Variants in KCNMA1 observed in about 807,000 individuals in gnomAD.
KCNMA1 encodes Calcium-activated potassium channel subunit alpha-1.
A neutral mutation model predicts 140.0 loss-of-function variants in KCNMA1; 29 were observed. The observed-to-expected ratio is 0.21, with a 90% CI of 0.15 to 0.28. The LOEUF (loss-of-function observed/expected upper bound fraction) is 0.28. Among genes scored for constraint, KCNMA1 ranks in the 10% least tolerant of loss-of-function variants. KCNMA1 has a pLI of 1.00. For synonymous variants in KCNMA1, 612 were observed against 611.9 expected (o/e 1.00, Z 0.00); for missense variants, 880 against 1,602.2 (o/e 0.55, Z 7.70).
intron 5 of KCNMA1, among the ~76,000 whole-genome samples, chr10:77,154,320 A>C (rs6480852): frequency 3.9e-5 from 6 of 152,080 alleles, no homozygotes; most frequent in African/African-American, 1.4e-4. Flanking sequence ...ATAGTAGTGT[A>C]AGAATGGACT....
At chr10:77,579,012 A>G (rs538680307) in intron 1 of KCNMA1, among the ~76,000 whole-genome samples, 3 of 152,292 alleles carry the variant, frequency 2.0e-5, no homozygotes, top group Admixed American at 6.5e-5. Context: ...AACCTCCCGG[A>G]GTCGTTGGGC....
intron 9 of KCNMA1, among the ~76,000 whole-genome samples, chr10:77,107,313 G>A (rs2097216557): frequency 6.6e-6 from 1 of 152,248 alleles, no homozygotes; most frequent in Non-Finnish European, 1.5e-5. Flanking sequence ...AGGCATGAGT[G>A]ATGAAAGTTT....
At chr10:76,883,180 C>A (rs1325275128), downstream of KCNMA1, among the ~76,000 whole-genome samples, 1 of 152,130 alleles carries the variant, frequency 6.6e-6, no homozygotes, top group Non-Finnish European at 1.5e-5. Context: ...ATGTGACCAG[C>A]TTGAGAAAGT....
intron 11 of KCNMA1, among the ~76,000 whole-genome samples, chr10:77,085,962 A>G (rs2096681223): frequency 6.6e-6 from 1 of 152,214 alleles, no homozygotes; most frequent in Non-Finnish European, 1.5e-5. Flanking sequence ...TTCGCCCATT[A>G]TCAATGATAT....
Position 77,517,260 on chromosome 10 carries a change from C to T in KCNMA1, c.379-113237G>A, listed in dbSNP as rs553704646. The stretch of plus-strand genomic sequence containing the variant: ...AAAGCAGTGTCACCGGAACCCAGGC[C>T]TCCACCATAAATGGGCCAGAGGCAA... On this transcript the variant is annotated intron_variant, in intron 1 of 27. Coordinates refer to ENST00000286628, the MANE Select transcript of KCNMA1 (RefSeq NM_001161352.2). 4.6e-5 allele frequency among the ~76,000 whole-genome samples: 7 copies of T among 152,226 alleles called. No individual in the cohort carries two copies. In the South Asian group the frequency reaches 1.5e-3, roughly 32 times the overall value.
intron 2 of KCNMA1, among the ~76,000 whole-genome samples, chr10:77,325,180 GAAC>G (rs2083711020): frequency 6.6e-6 from 1 of 152,108 alleles, no homozygotes; most frequent in Non-Finnish European, 1.5e-5. Flanking sequence ...CATTGTTACA[GAAC>G]AATAAACAGA....
In KCNMA1 at chr10:77,293,723, G is replaced by A. The variant is rs1601541609; in HGVS notation, c.541-42467C>T. ...CCAGCTCTTTCTCTGCTACATCAGA[G>A]AGCCCCTTTCTCATGTCCTCAAAGT... On this transcript the variant is annotated intron_variant, in intron 2 of 27. Coordinates refer to ENST00000286628, the MANE Select transcript of KCNMA1 (RefSeq NM_001161352.2). 2.0e-5 allele frequency among the ~76,000 whole-genome samples: 3 copies of A among 152,202 alleles called. No homozygotes were observed. In the South Asian group the frequency reaches 6.2e-4, roughly 32 times the overall value.
intron 2 of KCNMA1, among the ~76,000 whole-genome samples, chr10:77,354,045 G>T (rs1349436078): frequency 1.3e-5 from 2 of 151,784 alleles, no homozygotes; most frequent in South Asian, 4.2e-4. Flanking sequence ...TTCAGTGAGT[G>T]GTGCAATCTC....
intron 23 of KCNMA1, among the ~76,000 whole-genome samples, chr10:76,932,563 T>C (rs371465965): frequency 6.6e-6 from 1 of 152,348 alleles, no homozygotes; most frequent in East Asian, 1.9e-4. Flanking sequence ...GCAGCCATTA[T>C]GTCTTTGTAT....
At chr10:77,537,523 T>C (rs1254133169) in intron 1 of KCNMA1, among the ~76,000 whole-genome samples, 2 of 152,174 alleles carry the variant, frequency 1.3e-5, no homozygotes, top group South Asian at 2.1e-4. Flanking sequence ...ATCTTCCCTA[T>C]GGAAATTCCC....
chr10:76,954,013 G>T, intron 20 of KCNMA1, 89 bp from the exon 21 acceptor site: 1 of 1,389,988 alleles, frequency 7.2e-7, no homozygotes, highest in Non-Finnish European at 1.0e-6. Flanking sequence ...CAGAGGATGT[G>T]AAAGATGCAG....
chr10:76,968,709 AC>A (rs1308701409), intron 20 of KCNMA1, among the ~76,000 whole-genome samples: 3 of 152,214 alleles, frequency 2.0e-5, no homozygotes, highest in African/African-American at 4.8e-5. Flanking sequence ...AATCAGCCAA[AC>A]CCAAGGAAGG....
chr10:77,461,986 C>A (rs1445862989), intron 1 of KCNMA1, among the ~76,000 whole-genome samples: 1 of 152,076 alleles, frequency 6.6e-6, no homozygotes, highest in Admixed American at 6.6e-5. Flanking sequence ...GTACCATGCT[C>A]ACAGACACAC....
At chr10:77,117,319 T>G (rs1426852965) in intron 6 of KCNMA1, among the ~76,000 whole-genome samples, 2 of 151,744 alleles carry the variant, frequency 1.3e-5, no homozygotes, top group African/African-American at 2.4e-5. Context: ...GAGGCCAAAG[T>G]GGGCAGATCA....
rs200686491 is a variant in KCNMA1 at position 76,885,916 on chromosome 10, C to T, written c.*1350G>A. Reference sequence around the variant, plus strand: ...TCACTGTTGCACTCTTCTTATCCCACGTCTCATAATGACAAGGAGCAGCTC... The same window carrying T: ...TCACTGTTGCACTCTTCTTATCCCATGTCTCATAATGACAAGGAGCAGCTC... On this transcript the variant is annotated 3_prime_UTR_variant, in exon 28 of 28. Coordinates refer to ENST00000286628, the MANE Select transcript of KCNMA1 (RefSeq NM_001161352.2). 1.7e-5 allele frequency: 17 copies of T among 985,418 alleles called. No homozygotes were observed. The Admixed American group carries it at 3.1e-4, about 18-fold the overall frequency. The allele number at this position is 985,418 out of a possible 1,614,324, so 61.0% of individuals were successfully genotyped here.
At chr10:77,532,361 G>A (rs1238936389) in intron 1 of KCNMA1, among the ~76,000 whole-genome samples, 1 of 152,216 alleles carries the variant, frequency 6.6e-6, no homozygotes, top group Non-Finnish European at 1.5e-5. Flanking sequence ...CAGTACAGTG[G>A]GCTCTCTGGA....
At chr10:77,030,101 CCA>C (rs2093815377) in intron 15 of KCNMA1, among the ~76,000 whole-genome samples, 1 of 152,204 alleles carries the variant, frequency 6.6e-6, no homozygotes, top group Non-Finnish European at 1.5e-5. Context: ...AGGTTGTGGT[CCA>C]CAGCACTGCC....
At chr10:76,954,914 C>T (rs751201190) in intron 20 of KCNMA1, among the ~76,000 whole-genome samples, 55 of 152,184 alleles carry the variant, frequency 3.6e-4, no homozygotes, top group Non-Finnish European at 7.1e-4. Context: ...AATAAATAAG[C>T]TCCTGCACCT....
intron 14 of KCNMA1, among the ~76,000 whole-genome samples, chr10:77,058,243 T>G (rs9943330): frequency 6.6e-6 from 1 of 151,924 alleles, no homozygotes; most frequent in African/African-American, 2.4e-5. Flanking sequence ...TATATGCACT[T>G]AACAGACTTT....
Sources: allele counts gnomAD v4.1 joint callset (sites outside exome capture counted in the v4.1 genomes callset), GRCh38; gene constraint gnomAD v4.1.1; transcripts MANE v1.5; gene names NCBI Gene and HGNC (gene_info 2026-07-23, HGNC 2026-07-21).